The following OR51B5 variants were observed in gnomAD, a reference collection of about 807,000 sequenced individuals.
The protein encoded by OR51B5 is olfactory receptor family 51 subfamily B member 5.
For synonymous variants in OR51B5, 186 were observed against 144.8 expected, an observed-to-expected ratio of 1.28 and a Z score of -2.04; for missense variants, 456 against 374.6, an observed-to-expected ratio of 1.22 and a Z score of -1.79.
chr11:5,390,211 C>G, intron 1 of OR51B5: 1 of 1,614,006 alleles, frequency 6.2e-7, no homozygotes, highest in South Asian at 1.1e-5. Flanking sequence ...TGGGGCTGTC[C>G]CTGGTGCACC....
intron 1 of OR51B5, among the ~76,000 whole-genome samples, chr11:5,457,903 T>C (rs1429107137): frequency 2.6e-5 from 4 of 152,202 alleles, no homozygotes; most frequent in Non-Finnish European, 2.9e-5. Flanking sequence ...TTCACTCCCA[T>C]TCTGTATGTT....
intron 1 of OR51B5, among the ~76,000 whole-genome samples, chr11:5,448,152 G>A (rs61894129): frequency 0.14 from 21,452 of 152,006 alleles, 1,941 homozygotes; most frequent in Non-Finnish European, 0.21. Context: ...TTGTGTGTTC[G>A]CCAATATTTG....
At chr11:5,497,302 C>T (rs1291195096) in intron 1 of OR51B5, among the ~76,000 whole-genome samples, 1 of 152,208 alleles carries the variant, frequency 6.6e-6, no homozygotes, top group African/African-American at 2.4e-5. Flanking sequence ...ATCCCAGCTA[C>T]TCCAGAGGCT....
chr11:5,495,068 G>GC (rs796517568), intron 1 of OR51B5, among the ~76,000 whole-genome samples: 2 of 152,218 alleles, frequency 1.3e-5, no homozygotes, highest in South Asian at 4.2e-4. Flanking sequence ...CACCAATTTT[G>GC]CCAACTACCC....
chr11:5,475,401 C>A (rs1467005849), intron 1 of OR51B5, among the ~76,000 whole-genome samples: 1 of 152,168 alleles, frequency 6.6e-6, no homozygotes, highest in African/African-American at 2.4e-5. Flanking sequence ...ATCACTCCAA[C>A]CTCAAGGCCT....
intron 1 of OR51B5, chr11:5,351,928 A>G: frequency 6.2e-7 from 1 of 1,613,182 alleles, no homozygotes; most frequent in Non-Finnish European, 8.5e-7. Context: ...CCAGGTAATG[A>G]AGATTGGTGT....
intron 1 of OR51B5, chr11:5,392,208 G>C (rs1210307029): frequency 2.0e-5 from 3 of 152,226 alleles, no homozygotes; most frequent in African/African-American, 7.2e-5. Context: ...CAGACTCTCA[G>C]GCTTGGGAGC....
chr11:5,430,723 T>C (rs1291341648), intron 1 of OR51B5: 1 of 456,874 alleles, frequency 2.2e-6, no homozygotes, highest in Non-Finnish European at 4.4e-6. Flanking sequence ...CTTAACACTA[T>C]AGATGATGGG....
intron 1 of OR51B5, among the ~76,000 whole-genome samples, chr11:5,412,550 T>A (rs1320279625): frequency 6.6e-6 from 1 of 151,824 alleles, no homozygotes; most frequent in East Asian, 1.9e-4. Context: ...AAGAAAGGAG[T>A]GACAGATGGC....
At chr11:5,478,396 C>A (rs1332413447) in intron 1 of OR51B5, among the ~76,000 whole-genome samples, 1 of 150,230 alleles carries the variant, frequency 6.7e-6, no homozygotes, top group Non-Finnish European at 1.5e-5. Context: ...GTAGATAAAA[C>A]CACAAAGATG....
chr11:5,358,494 A>C (rs1849229149), intron 1 of OR51B5, among the ~76,000 whole-genome samples: 1 of 152,224 alleles, frequency 6.6e-6, no homozygotes, highest in Non-Finnish European at 1.5e-5. Flanking sequence ...AATTGAGGCA[A>C]TAATTAATAG....
chr11:5,434,283 C>T (rs1425586484), intron 1 of OR51B5, among the ~76,000 whole-genome samples: 1 of 151,968 alleles, frequency 6.6e-6, no homozygotes, highest in Non-Finnish European at 1.5e-5. Flanking sequence ...TGCAAGCTCT[C>T]CCTGTCTCCC....
intron 1 of OR51B5, among the ~76,000 whole-genome samples, chr11:5,431,876 A>T (rs1456490664): frequency 6.6e-6 from 1 of 152,192 alleles, no homozygotes; most frequent in Admixed American, 6.5e-5. Flanking sequence ...TTTTTAAAAA[A>T]GTTTTAAATA....
intron 1 of OR51B5, among the ~76,000 whole-genome samples, chr11:5,453,081 C>T (rs1326934505): frequency 6.6e-6 from 1 of 152,170 alleles, no homozygotes; most frequent in African/African-American, 2.4e-5. Flanking sequence ...CCAAGTGCTA[C>T]TGATAACACA....
At chr11:5,478,531 GAGA>G (rs763993654) in intron 1 of OR51B5, among the ~76,000 whole-genome samples, 38,144 of 149,688 alleles carry the variant, frequency 0.25, 5,590 homozygotes, top group Non-Finnish European at 0.35. Context: ...GACGAGCTGA[GAGA>G]AGAAGGCTTC....
chr11:5,410,471 A>C (rs921581842), intron 1 of OR51B5, among the ~76,000 whole-genome samples: 29 of 152,196 alleles, frequency 1.9e-4, no homozygotes, highest in Non-Finnish European at 3.4e-4. Flanking sequence ...GTCATGTTTC[A>C]CATAATGACT....
intron 1 of OR51B5, among the ~76,000 whole-genome samples, chr11:5,348,914 T>G (rs1247814900): frequency 6.6e-6 from 1 of 152,014 alleles, no homozygotes; most frequent in East Asian, 1.9e-4. Flanking sequence ...TACTAAGTGC[T>G]TGAGACAGAA....
chr11:5,412,656 G>A (rs572242095), intron 1 of OR51B5, among the ~76,000 whole-genome samples: 2 of 152,336 alleles, frequency 1.3e-5, no homozygotes, highest in African/African-American at 4.8e-5. Flanking sequence ...ACATGGCTCA[G>A]AGGGTCCTAC....
intron 1 of OR51B5, among the ~76,000 whole-genome samples, chr11:5,380,652 T>A (rs1358254541): frequency 5.3e-5 from 8 of 152,186 alleles, no homozygotes; most frequent in African/African-American, 1.9e-4. Flanking sequence ...TTGTGTGAGA[T>A]TACCATCTGT....
Sources: gnomAD v4.1 joint callset for allele counts (sites outside exome capture counted in the v4.1 genomes callset) on GRCh38, gnomAD v4.1.1 for gene constraint, MANE v1.5 for transcripts, NCBI Gene and HGNC (gene_info 2026-07-23, HGNC 2026-07-21) for gene names.